Variants in ATP10D observed in about 807,000 individuals in gnomAD.
The protein encoded by ATP10D is ATPase phospholipid transporting 10D (putative).
Under a neutral mutation model 144.8 loss-of-function variants are expected in ATP10D, and 89 were observed. The ratio of observed to expected loss-of-function variants is 0.61; its 90% confidence interval spans 0.52 to 0.73. ATP10D has a LOEUF of 0.73. Among genes scored for constraint, ATP10D ranks in the 30% least tolerant of loss-of-function variants. ATP10D has a pLI of 0.00. For synonymous variants in ATP10D, 571 were observed against 615.1 expected (o/e 0.93, Z 1.06); for missense variants, 1,603 against 1,714.8 (o/e 0.93, Z 1.15).
At chr4:47,488,612 C>CAAAAA (rs56859197) in intron 1 of ATP10D, among the ~76,000 whole-genome samples, 94 of 91,222 alleles carry the variant, frequency 1.0e-3, no homozygotes, top group South Asian at 1.8e-3. Context: ...ATATAATAAG[C>CAAAAA]AAAAAAAAAA....
At position 47,486,054 on chromosome 4, in the gene ATP10D, G is replaced by GT. The variant is rs770760856; in HGVS notation, c.-38+538dup. Among the ~76,000 whole-genome samples the GT allele has an allele frequency of 2.9e-4, 44 of 152,188 alleles. 1 individual carries two copies. The highest frequency in any genetic ancestry group is 5.3e-4 in the Non-Finnish European group (36 of 68,026). ...GTTGATTCCTTAGGAAGAAAAAGGT[G>GT]TTTGTATTGGAGCTTTCTCGGAAAT... is the stretch of plus-strand genomic sequence containing the variant. On this transcript the variant is annotated intron_variant, in intron 1 of 22. Transcript: ENST00000273859.
chr4:47,551,985 G>A (rs547734763), intron 10 of ATP10D, among the ~76,000 whole-genome samples: 92 of 152,334 alleles, frequency 6.0e-4, no homozygotes, highest in African/African-American at 2.2e-3. Flanking sequence ...GAGCATGCCT[G>A]AAGCTTCTTT....
At chr4:47,487,797 G>A (rs1714849987) in intron 1 of ATP10D, among the ~76,000 whole-genome samples, 4 of 152,082 alleles carry the variant, frequency 2.6e-5, no homozygotes, top group Admixed American at 2.6e-4. Context: ...CTCAATAAAA[G>A]GTATATCAAT....
chr4:47,585,764 GC>G (rs143239491), intron 21 of ATP10D, among the ~76,000 whole-genome samples: 13,766 of 152,110 alleles, frequency 0.091, 699 homozygotes, highest in East Asian at 0.17. Context: ...TTCTGTGCCT[GC>G]CTTATTTCAT....
intron 17 of ATP10D, 99 bp from the exon 18 acceptor site, chr4:47,572,773 G>T: frequency 6.9e-7 from 1 of 1,457,382 alleles, no homozygotes; most frequent in East Asian, 2.3e-5. Flanking sequence ...GTCAGAAGAA[G>T]GTAGAATATG....
rs542647100 is a variant in ATP10D at position 47,559,138 on chromosome 4, C to G, written c.2541+109C>G. ...CTAATCCAGATGCTGGGGAAAGTCC[C>G]CTGGACACTGGCTCTCTTTTTACCT... On this transcript the variant is annotated intron_variant, in intron 13 of 22. Transcript: ENST00000273859. 2.3e-5 allele frequency: 17 copies of G among 739,088 alleles called. No individual in the cohort carries two copies. In the South Asian group the frequency reaches 3.2e-4, roughly 14 times the overall value. The allele number at this position is 739,088 out of a possible 1,614,324, so 45.8% of individuals were successfully genotyped here. A position where few individuals can be genotyped will look rare whatever the true frequency, so the allele number is the denominator to read the frequency against.
chr4:47,522,982 T>C (rs758527653), intron 3 of ATP10D, 30 bp from the exon 4 acceptor site: 4 of 1,350,368 alleles, frequency 3.0e-6, no homozygotes, highest in Admixed American at 4.5e-5. Context: ...TTGATATTCT[T>C]TTTTTTTTTT....
At chr4:47,570,623 G>A (rs1719901254) in intron 16 of ATP10D, among the ~76,000 whole-genome samples, 1 of 151,998 alleles carries the variant, frequency 6.6e-6, no homozygotes, top group Admixed American at 6.5e-5. Context: ...GGCCAACATG[G>A]TGAAACTCCA....
Position 47,536,738 on chromosome 4 carries a change from A to C in ATP10D, c.1196A>C (p.Gln399Pro). ...TCCATCGAAATTGTGAAGCTTGGACAAATATATTTCATTCAAAGTGATGTG... is the reference window on the plus strand; with the variant it reads ...TCCATCGAAATTGTGAAGCTTGGACCAATATATTTCATTCAAAGTGATGTG... Reference protein sequence around the residue: ...YVSIEIVKLGQIYFIQSDVDF... With the variant: ...YVSIEIVKLGPIYFIQSDVDF... Residue 399 changes from glutamine to proline, a missense_variant, in exon 9 of 23, where the codon CAA becomes CCA. Physicochemically the swap from Gln to Pro is moderately conservative, Grantham distance 76 (BLOSUM62 -1). Transcript: ENST00000273859. 1 of 1,613,342 alleles carries C rather than the reference A, an allele frequency of 6.2e-7. No homozygotes were observed. The highest frequency in any genetic ancestry group is 2.2e-5 in the East Asian group (1 of 44,880).
At chr4:47,489,888 T>C (rs1393958619) in intron 1 of ATP10D, among the ~76,000 whole-genome samples, 2 of 152,230 alleles carry the variant, frequency 1.3e-5, no homozygotes, top group Admixed American at 1.3e-4. Context: ...TTTAATTAAA[T>C]ACTCCTTAAT....
intron 9 of ATP10D, among the ~76,000 whole-genome samples, chr4:47,542,328 C>A (rs1372504862): frequency 1.3e-5 from 2 of 151,970 alleles, no homozygotes; most frequent in Admixed American, 1.3e-4. Context: ...AACTCCTGGG[C>A]TCAAGCTATC....
rs1032749547 is a variant in ATP10D, at chr4:47,568,935, G to A, written c.2952G>A (p.Gln984=). ...TGTCATTAAGTGAAGATTTACTTCAGCCTCCTGTCCCCCGGGACTCAGGGT... is the reference window on the plus strand; with the variant it reads ...TGTCATTAAGTGAAGATTTACTTCAACCTCCTGTCCCCCGGGACTCAGGGT... ...EQVSLSEDLL[Q]PPVPRDSGLR... Residue 984 remains glutamine, a synonymous_variant, in exon 16 of 23, where the codon CAG becomes CAA. Transcript: ENST00000273859. The A allele has an allele frequency of 3.1e-6, 5 of 1,614,020 alleles. No homozygotes were observed. The highest frequency in any genetic ancestry group is 4.2e-6 in the Non-Finnish European group (5 of 1,180,032).
At chr4:47,515,421 A>G in intron 2 of ATP10D, 55 bp from the exon 3 acceptor site, 1 of 1,418,338 alleles carries the variant, frequency 7.1e-7, no homozygotes, top group Middle Eastern at 1.8e-4. Context: ...TTTGCCTCTG[A>G]CATCAGTCCT....
intron 21 of ATP10D, among the ~76,000 whole-genome samples, chr4:47,585,805 GT>G (rs1273285341): frequency 6.6e-6 from 1 of 152,136 alleles, no homozygotes; most frequent in Admixed American, 6.5e-5. Context: ...TTCCATCCAT[GT>G]TGTTGTAAGT....
chr4:47,493,992 G>C (rs1715220259), intron 1 of ATP10D, among the ~76,000 whole-genome samples: 1 of 152,048 alleles, frequency 6.6e-6, no homozygotes, highest in African/African-American at 2.4e-5. Context: ...TTACTTTCCT[G>C]TATGCTGTTT....
At chr4:47,567,545 AT>A (rs1305625192) in intron 15 of ATP10D, among the ~76,000 whole-genome samples, 2 of 152,162 alleles carry the variant, frequency 1.3e-5, no homozygotes, top group African/African-American at 4.8e-5. Flanking sequence ...CTTAAACACA[AT>A]CTGATGTTAA....
intron 22 of ATP10D, 115 bp downstream of exon 22, chr4:47,587,321 T>C: frequency 5.5e-6 from 5 of 906,098 alleles, no homozygotes; most frequent in Non-Finnish European, 8.4e-6. Flanking sequence ...AGTGAGAAAG[T>C]CAATTTGTGT....
intron 9 of ATP10D, among the ~76,000 whole-genome samples, chr4:47,540,961 T>G (rs1718104651): frequency 6.6e-6 from 1 of 152,194 alleles, no homozygotes; most frequent in Non-Finnish European, 1.5e-5. Context: ...TGAATCTGAT[T>G]TACATGGAGG....
intron 7 of ATP10D, 143 bp downstream of exon 7, chr4:47,536,176 C>A: frequency 8.9e-7 from 1 of 1,121,192 alleles, no homozygotes. Flanking sequence ...TCTCTTTCAT[C>A]CTTTAGCCTG....
Sources: gnomAD v4.1 joint callset for allele counts (sites outside exome capture counted in the v4.1 genomes callset) on GRCh38, gnomAD v4.1.1 for gene constraint, MANE v1.5 for transcripts, NCBI Gene and HGNC (gene_info 2026-07-23, HGNC 2026-07-21) for gene names.